Variants in VPS54 observed in about 807,000 individuals in gnomAD.
VPS54 encodes vacuolar protein sorting-associated protein 54.
VPS54 carries 45 observed loss-of-function variants against 121.5 expected under a neutral mutation model. That is an observed-to-expected ratio of 0.37 (90% confidence interval 0.29 to 0.47). The LOEUF (loss-of-function observed/expected upper bound fraction) is 0.47, where lower values mean the gene tolerates loss of function less well. VPS54 is among the 20% of genes least tolerant of loss of function. The pLI is 0.99. For synonymous variants in VPS54, 371 were observed against 385.8 expected (o/e 0.96, Z 0.45); for missense variants, 1,090 against 1,131.4 (o/e 0.96, Z 0.52).
chr2:63,894,444 GTAATCC>G (rs1309838221), intron 22 of VPS54, among the ~76,000 whole-genome samples: 1 of 152,136 alleles, frequency 6.6e-6, no homozygotes, highest in Non-Finnish European at 1.5e-5. Context: ...GCTCACACCT[GTAATCC>G]CAGCACTTGG....
At position 63,894,399 on chromosome 2, in the gene VPS54, A is replaced by G. The variant is rs575844776; in HGVS notation, c.2829-864T>C. Among the ~76,000 whole-genome samples, 14 of 152,300 alleles carry G rather than the reference A, an allele frequency of 9.2e-5. No individual in the cohort carries two copies. The South Asian group carries it at 2.7e-3, about 29-fold the overall frequency. On this transcript the variant is annotated intron_variant, in intron 22 of 22. Coordinates refer to ENST00000272322, the MANE Select transcript of VPS54 (RefSeq NM_016516.3). ...AATTTATCACTAGGGGAAATGTCTA[A>G]TTTATCTATGGCTGATTCATGGCCA... is the stretch of plus-strand genomic sequence containing the variant.
chr2:63,951,364 C>T (rs1575949332), intron 7 of VPS54, among the ~76,000 whole-genome samples: 1 of 152,064 alleles, frequency 6.6e-6, no homozygotes, highest in South Asian at 2.1e-4. Context: ...GTATGGGTCC[C>T]ATGGTGTTAT....
rs1673595568 is a variant in VPS54 at position 63,920,586 on chromosome 2, T to G, written c.1911A>C (p.Thr637=). ...TGAATGTTTCCATTAATCTAGAAAG[T>G]GTTATGAATTCCATGGAATTTAGCT... is the stretch of plus-strand genomic sequence containing the variant. The part of the protein sequence containing the change: ...LEKLNSMEFI[T]LSRLMETFIL... The change falls in exon 14 of 23, where the codon ACA becomes ACC. Residue 637 remains threonine (T), a synonymous_variant. Transcript: ENST00000272322. 3 of 1,544,610 alleles carry G rather than the reference T, an allele frequency of 1.9e-6. No homozygotes were observed. The highest frequency in any genetic ancestry group is 2.6e-6 in the Non-Finnish European group (3 of 1,148,232).
At chr2:63,961,460 A>C (rs1484554142) in intron 7 of VPS54, among the ~76,000 whole-genome samples, 5 of 152,188 alleles carry the variant, frequency 3.3e-5, no homozygotes, top group Admixed American at 3.3e-4. Context: ...GAACTTCTAC[A>C]AGGATACTGC....
At chr2:64,006,339 A>G (rs1456946880) in intron 1 of VPS54, among the ~76,000 whole-genome samples, 1 of 152,250 alleles carries the variant, frequency 6.6e-6, no homozygotes, top group Admixed American at 6.5e-5. Context: ...TTGTATTAAC[A>G]TTACTTGACT....
intron 6 of VPS54, 35 bp from the exon 7 acceptor site, chr2:63,962,478 T>C (rs746589851): frequency 6.4e-7 from 1 of 1,550,498 alleles, no homozygotes; most frequent in Non-Finnish European, 8.7e-7. Context: ...TGAAGTACTA[T>C]GAGCATACCT....
At chr2:63,966,152 T>A (rs1675985794) in intron 5 of VPS54, among the ~76,000 whole-genome samples, 186 bp from the exon 6 acceptor site, 1 of 152,170 alleles carries the variant, frequency 6.6e-6, no homozygotes, top group South Asian at 2.1e-4. Context: ...CTCACCAAGC[T>A]TAAAATACTC....
At chr2:63,917,734 C>T (rs1359427335) in intron 15 of VPS54, among the ~76,000 whole-genome samples, 2 of 151,966 alleles carry the variant, frequency 1.3e-5, no homozygotes, top group African/African-American at 4.8e-5. Flanking sequence ...ACTGTGTCTT[C>T]ATCACTTCTC....
chr2:63,984,094 T>C (rs1007285274), intron 1 of VPS54, 75 bp from the exon 2 acceptor site: 2 of 1,321,532 alleles, frequency 1.5e-6, no homozygotes, highest in East Asian at 5.2e-5. Flanking sequence ...ACAAATTTTC[T>C]TTCAAAAGCA....
intron 1 of VPS54, among the ~76,000 whole-genome samples, chr2:63,990,749 T>C (rs1169571428): frequency 1.3e-5 from 2 of 152,240 alleles, no homozygotes; most frequent in Non-Finnish European, 2.9e-5. Context: ...AACAAGTGGA[T>C]TAGACACGTG....
intron 3 of VPS54, among the ~76,000 whole-genome samples, chr2:63,976,080 G>A (rs1436914709): frequency 6.6e-6 from 1 of 152,172 alleles, no homozygotes; most frequent in Non-Finnish European, 1.5e-5. Flanking sequence ...TTTGCTAAGA[G>A]TTCTTTTTTT....
rs1352677891 is a variant in VPS54, at chr2:63,975,082, GT to G, written c.379-2839del. ...CTTTTTTGAGACAGAGTCTCACTCT[GT>G]CACCCAATCTGTAGTGCAGTGGCGT... On this transcript the variant is annotated intron_variant, in intron 3 of 22. Transcript: ENST00000272322. The G allele has an allele frequency of 1.2e-5, 19 of 1,526,374 alleles. No homozygotes were observed. The East Asian group carries it at 4.7e-4, about 37-fold the overall frequency. The allele number at this position is 1,526,374 out of a possible 1,614,324, so 94.6% of individuals were successfully genotyped here.
At chr2:63,898,234 T>G (rs537459382) in intron 21 of VPS54, among the ~76,000 whole-genome samples, 12 of 152,236 alleles carry the variant, frequency 7.9e-5, no homozygotes, top group African/African-American at 2.9e-4. Flanking sequence ...TATGCCCAGC[T>G]CCCTGACCTG....
At chr2:63,968,858 A>G in intron 5 of VPS54, 99 bp downstream of exon 5, 1 of 992,096 alleles carries the variant, frequency 1.0e-6, no homozygotes, top group Non-Finnish European at 1.5e-6. Flanking sequence ...AAGTAGCCAA[A>G]GGGTCAAAAA....
intron 1 of VPS54, among the ~76,000 whole-genome samples, chr2:63,995,834 A>G (rs532220392): frequency 6.6e-6 from 1 of 152,340 alleles, no homozygotes; most frequent in South Asian, 2.1e-4. Context: ...TAGGGAAGAT[A>G]ATTTATCATT....
At chr2:63,965,347 G>A (rs1024433268) in intron 6 of VPS54, among the ~76,000 whole-genome samples, 3 of 152,076 alleles carry the variant, frequency 2.0e-5, no homozygotes, top group Admixed American at 6.6e-5. Context: ...ATGGTGGCAC[G>A]CACCTGTAGT....
chr2:63,903,142 T>G lies in VPS54; in HGVS notation c.2626-3561A>C, dbSNP rs552730489. Reference sequence around the variant, plus strand: ...AAGAAGTGCAGAAGAAACTCAAGCATGATCAAAAACACACAGAACTTAGAC... The same window carrying G: ...AAGAAGTGCAGAAGAAACTCAAGCAGGATCAAAAACACACAGAACTTAGAC... On this transcript the variant is annotated intron_variant, in intron 20 of 22. Transcript: ENST00000272322. Among the ~76,000 whole-genome samples, 17 of 152,244 alleles carry G rather than the reference T, an allele frequency of 1.1e-4. No homozygotes were observed. In the East Asian group the frequency reaches 3.3e-3, roughly 29 times the overall value.
At chr2:63,956,390 A>T (rs1204460279) in intron 7 of VPS54, among the ~76,000 whole-genome samples, 1 of 152,178 alleles carries the variant, frequency 6.6e-6, no homozygotes, top group Non-Finnish European at 1.5e-5. Flanking sequence ...TTCTTTCAAA[A>T]CAAAACAAAA....
intron 2 of VPS54, among the ~76,000 whole-genome samples, chr2:63,983,482 A>C: frequency 7.8e-6 from 1 of 127,876 alleles, no homozygotes; most frequent in Non-Finnish European, 1.6e-5. Context: ...TCTGTCTGTC[A>C]CCCAGGCTGG....
Sources: allele counts gnomAD v4.1 joint callset (sites outside exome capture counted in the v4.1 genomes callset), GRCh38; gene constraint gnomAD v4.1.1; transcripts MANE v1.5; gene names NCBI Gene and HGNC (gene_info 2026-07-23, HGNC 2026-07-21).